ZFP62: variants seen among roughly 807,000 people sequenced by gnomAD.
ZFP62 encodes the protein zinc finger protein 62 homolog.
Under a neutral mutation model 56.4 loss-of-function variants are expected in ZFP62, and 44 were observed. The ratio of observed to expected loss-of-function variants is 0.78; its 90% CI spans 0.61 to 1.00. ZFP62 has a LOEUF of 1.00. Among genes scored for constraint, ZFP62 ranks in the 50% least tolerant of loss-of-function variants. ZFP62 has a pLI of 0.00. For missense variants in ZFP62, 1,030 were observed against 1,085.7 expected, an observed-to-expected ratio of 0.95 and a Z score of 0.72; for synonymous variants, 421 against 388.9, an observed-to-expected ratio of 1.08 and a Z score of -0.97.
chr5:180,852,119 T>TA, intron 1 of ZFP62: 1 of 705,266 alleles, frequency 1.4e-6, no homozygotes, highest in Non-Finnish European at 1.7e-6. Context: ...TCCTGGTACA[T>TA]AGACAGGCAA....
At chr5:180,847,276 A>C (rs1008945242), downstream of ZFP62, among the ~76,000 whole-genome samples, 1 of 152,274 alleles carries the variant, frequency 6.6e-6, no homozygotes, top group South Asian at 2.1e-4. Flanking sequence ...TGAGTTACCT[A>C]GTTAACAGCT....
rs561460081 is a variant in ZFP62, at chr5:180,851,357, A to G, written c.138T>C (p.Asp46=). 1.6e-5 allele frequency: 25 copies of G among 1,551,546 alleles called. No homozygotes were observed. The South Asian group carries it at 2.7e-4, about 17-fold the overall frequency. The change falls in exon 2 of 2, where the codon GAT becomes GAC. Residue 46 remains aspartate, a synonymous_variant. Transcript: ENST00000502412. ...TTTTCTGTTGATTCTCTACCTTGCT[A>G]TCCCAAACACATGTGTCACCAACCT... ...ESKVGDTCVW[D]SKVENQQKKP...
intron 1 of ZFP62, among the ~76,000 whole-genome samples, chr5:180,854,123 C>T (rs1264355252): frequency 6.6e-6 from 1 of 152,104 alleles, no homozygotes; most frequent in African/African-American, 2.4e-5. Flanking sequence ...TCTACTATTA[C>T]CATTATTTAC....
downstream of ZFP62, chr5:180,845,977 A>G (rs1254490974): frequency 1.8e-6 from 1 of 548,476 alleles, no homozygotes; most frequent in East Asian, 1.5e-4. Context: ...CTGTTTTTTC[A>G]GGCTTTTCTT....
the ZFP62 span, among the ~76,000 whole-genome samples, chr5:180,829,106 G>A: frequency 4.6e-5 from 7 of 152,186 alleles, no homozygotes; most frequent in Admixed American, 2.0e-4. Context: ...AAGACACTAC[G>A]TGCACCACTG....
rs964984660 is a variant in ZFP62, at chr5:180,851,385, G to T, written c.110C>A (p.Ser37Tyr). 5 of 1,551,466 alleles carry T rather than the reference G, an allele frequency of 3.2e-6. No individual in the cohort carries two copies. In the East Asian group the frequency reaches 1.2e-4, roughly 38 times the overall value. The change falls in exon 2 of 2, where the codon TCT becomes TAT. Residue 37 changes from serine (S) to tyrosine (Y), a missense_variant. By Grantham distance (144) the Ser-to-Tyr change is moderately radical. Transcript: ENST00000502412. ...CCAAACACATGTGTCACCAACCTTA[G>T]ATTCAGGCATAGGATCCTCCACTTT... is the stretch of plus-strand genomic sequence containing the variant. ...WPKVEDPMPE[S>Y]KVGDTCVWDS... is the part of the protein sequence containing the mutation.
downstream of ZFP62, among the ~76,000 whole-genome samples, chr5:180,843,260 G>A (rs931371415): frequency 6.6e-6 from 1 of 151,892 alleles, no homozygotes; most frequent in Non-Finnish European, 1.5e-5. Flanking sequence ...TTAGGCTTTG[G>A]TAAGTCAAGA....
rs976129104 is a variant in ZFP62 at position 180,861,269 on chromosome 5, G to T, written c.-50C>A. 2.3e-5 allele frequency: 9 copies of T among 397,342 alleles called. No homozygotes were observed. Among genetic ancestry groups the T allele is most frequent in the Admixed American group, 4.4e-5 (1 of 22,672 alleles). 24.6% of individuals were successfully genotyped at this position (397,342 alleles called of 1,614,324 possible). A position where few individuals can be genotyped will look rare whatever the true frequency, so the allele number is the denominator to read the frequency against. ...CGGCCGCCAGCGGGACAAAAGCGCG[G>T]ACCGCACGGCCGGAAGAACCCGCGC... On this transcript the variant is annotated 5_prime_UTR_variant, in exon 1 of 2. Transcript: ENST00000502412.
chr5:180,857,326 T>C (rs1774040007), intron 1 of ZFP62, among the ~76,000 whole-genome samples: 1 of 76,450 alleles, frequency 1.3e-5, no homozygotes, highest in Middle Eastern at 6.1e-3. Flanking sequence ...CTGAGTACTA[T>C]TTTTGTTTAA....
In ZFP62 at chr5:180,849,602, G is replaced by T; in HGVS notation, c.1893C>A (p.Leu631=). 1 of 1,551,890 alleles carries T rather than the reference G, an allele frequency of 6.4e-7. No homozygotes were observed. The highest frequency in any genetic ancestry group is 8.7e-7 in the Non-Finnish European group (1 of 1,147,052). Residue 631 remains leucine (L), a synonymous_variant, in exon 2 of 2, where the codon CTC becomes CTA. Transcript: ENST00000502412. ...TGTGGACCCTTCTGTGCTGAGAAAG[G>T]AGCGATGTGTAATTAAAAGATTTCT... ...VCEKSFNYTS[L]LSQHRRVHTR...
chr5:180,857,530 G>C (rs1328663311), intron 1 of ZFP62, among the ~76,000 whole-genome samples: 2 of 152,208 alleles, frequency 1.3e-5, no homozygotes, highest in African/African-American at 4.8e-5. Context: ...ACTGAGTCTT[G>C]CTCTGTTGCC....
chr5:180,830,633 A>G, the ZFP62 span: 1 of 151,988 alleles, frequency 6.6e-6, no homozygotes, highest in Non-Finnish European at 1.5e-5. Context: ...GATTAAGCCT[A>G]AGCCACCACC....
the ZFP62 span, among the ~76,000 whole-genome samples, chr5:180,828,302 T>G: frequency 1.3e-5 from 2 of 152,190 alleles, no homozygotes; most frequent in East Asian, 3.9e-4. Context: ...CAGGGTGTTT[T>G]GGAGTTGACA....
At chr5:180,829,302 T>A in the ZFP62 span, among the ~76,000 whole-genome samples, 4 of 152,172 alleles carry the variant, frequency 2.6e-5, no homozygotes, top group Non-Finnish European at 1.5e-5. Flanking sequence ...TTTTGCCCTT[T>A]GTCCTGTTTC....
downstream of ZFP62, among the ~76,000 whole-genome samples, chr5:180,847,402 C>G (rs249315): frequency 0.69 from 104,645 of 152,092 alleles, 37,954 homozygotes; most frequent in East Asian, 0.96. Context: ...CCAGTAACGA[C>G]GATCACATGG....
intron 1 of ZFP62, among the ~76,000 whole-genome samples, chr5:180,859,795 C>T (rs1307330182): frequency 6.6e-6 from 1 of 152,176 alleles, no homozygotes; most frequent in East Asian, 1.9e-4. Context: ...CACTCTACAT[C>T]AGTGATTTTG....
At chr5:180,860,669 T>C (rs1182979327) in intron 1 of ZFP62, 1 of 138,688 alleles carries the variant, frequency 7.2e-6, no homozygotes, top group Non-Finnish European at 1.5e-5. Flanking sequence ...AGCGGGAGCT[T>C]ATCATCATCA....
chr5:180,833,312 C>G, the ZFP62 span, among the ~76,000 whole-genome samples: 1 of 151,820 alleles, frequency 6.6e-6, no homozygotes, highest in South Asian at 2.1e-4. Flanking sequence ...AACCCCATCT[C>G]CACTAAAATA....
In ZFP62 at chr5:180,850,711, A is replaced by G; in HGVS notation, c.784T>C (p.Phe262Leu). 6.2e-7 allele frequency: 1 copy of G among 1,606,140 alleles called. No individual in the cohort carries two copies. Among genetic ancestry groups the G allele is most frequent in the Non-Finnish European group, 8.5e-7 (1 of 1,176,072 alleles). Residue 262 changes from phenylalanine (F) to leucine (L), a missense_variant, in exon 2 of 2, where the codon TTC becomes CTC. Coordinates refer to ENST00000502412, the MANE Select transcript of ZFP62 (RefSeq NM_001172638.2). ...PYECGECGKA[F>L]RNSSGLRVHK... ...ACTCTGAGCCCAGAGCTGTTCCTGA[A>G]GGCCTTCCCACACTCACCACATTCA... is the stretch of plus-strand genomic sequence containing the variant.
Sources: gnomAD v4.1 joint callset for allele counts (sites outside exome capture counted in the v4.1 genomes callset) on GRCh38, gnomAD v4.1.1 for gene constraint, MANE v1.5 for transcripts, NCBI Gene and HGNC (gene_info 2026-07-23, HGNC 2026-07-21) for gene names.